ADI1: variants seen among roughly 807,000 people sequenced by gnomAD.
The protein encoded by ADI1 is acireductone dioxygenase.
ADI1 carries 21 observed loss-of-function variants against 18.7 expected under a neutral mutation model. The ratio of observed to expected loss-of-function variants is 1.13; its 90% CI spans 0.80 to 1.62. ADI1 has a LOEUF of 1.62. Ranked by LOEUF, ADI1 falls within the 40% of genes most tolerant of loss-of-function variation. The probability of loss-of-function intolerance (pLI) is 0.00; values close to 1 mark genes in which losing one functional copy is unlikely to be tolerated. For missense variants in ADI1, 245 were observed against 254.9 expected, an observed-to-expected ratio of 0.96 and a Z score of 0.26; for synonymous variants, 90 against 100.1, an observed-to-expected ratio of 0.90 and a Z score of 0.60.
intron 3 of ADI1, among the ~76,000 whole-genome samples, chr2:3,499,394 T>C (rs888505857): frequency 6.6e-6 from 1 of 152,186 alleles, no homozygotes; most frequent in African/African-American, 2.4e-5. Context: ...CAACCCCATG[T>C]ACCCTCCACC....
chr2:3,504,525 G>A (rs1192969068), intron 2 of ADI1, among the ~76,000 whole-genome samples: 1 of 152,216 alleles, frequency 6.6e-6, no homozygotes, highest in East Asian at 1.9e-4. Flanking sequence ...CACTCAGTGA[G>A]AAATAAAGAC....
At chr2:3,513,533 C>A (rs1468514588) in intron 2 of ADI1, among the ~76,000 whole-genome samples, 1 of 152,132 alleles carries the variant, frequency 6.6e-6, no homozygotes, top group Non-Finnish European at 1.5e-5. Context: ...TCATTTAAAA[C>A]AGTGTGGCAC....
intron 1 of ADI1, among the ~76,000 whole-genome samples, chr2:3,514,577 C>T (rs909393834): frequency 3.3e-5 from 5 of 152,154 alleles, no homozygotes; most frequent in Admixed American, 3.3e-4. Flanking sequence ...TTTCACATCC[C>T]CACAACCTTG....
intron 1 of ADI1, among the ~76,000 whole-genome samples, chr2:3,518,702 C>T (rs1049814848): frequency 3.9e-5 from 6 of 152,174 alleles, no homozygotes; most frequent in Non-Finnish European, 5.9e-5. Flanking sequence ...GGTCCCTCCC[C>T]CAGGACACTT....
chr2:3,509,872 G>A lies in ADI1; in HGVS notation c.240+3985C>T, dbSNP rs183548270. Among the ~76,000 whole-genome samples, 155 of 151,728 alleles carry A rather than the reference G, an allele frequency of 1.0e-3. 2 individuals are homozygous for A. The highest frequency in any genetic ancestry group is 3.5e-3 in the African/African-American group (144 of 41,374). On this transcript the variant is annotated intron_variant, in intron 2 of 3. Transcript: ENST00000327435. ...AAAAAAAATTAGGCAGGCCGGGTGC[G>A]GTGGCTCATGCCTGTAATCCCAGCA...
At chr2:3,512,267 G>A (rs1667307757) in intron 2 of ADI1, among the ~76,000 whole-genome samples, 1 of 152,230 alleles carries the variant, frequency 6.6e-6, no homozygotes, top group Admixed American at 6.5e-5. Context: ...AAACCTCAAA[G>A]GCATTTCAGA....
intron 2 of ADI1, among the ~76,000 whole-genome samples, chr2:3,508,742 C>T (rs560688276): frequency 2.6e-5 from 4 of 152,002 alleles, no homozygotes; most frequent in Non-Finnish European, 5.9e-5. Flanking sequence ...CCTCTATGAA[C>T]AATAAAAATG....
intron 3 of ADI1, chr2:3,500,503 G>GCCTCACC: frequency 3.5e-6 from 1 of 288,130 alleles, no homozygotes; most frequent in East Asian, 6.3e-5. Context: ...GCTGGGGCAG[G>GCCTCACC]GCCAGGCTCG....
Position 3,497,874 on chromosome 2 carries a change from G to C in ADI1, c.*1089C>G, listed in dbSNP as rs1666902467. 6.6e-6 allele frequency: 1 copy of C among 152,110 alleles called. No individual in the cohort carries two copies. 9.4% of individuals were successfully genotyped at this position (152,110 alleles called of 1,614,324 possible). On this transcript the variant is annotated 3_prime_UTR_variant, in exon 4 of 4. Coordinates refer to ENST00000327435, the MANE Select transcript of ADI1 (RefSeq NM_018269.4). ...ATGTTTCGTTCTTAAAAATGAACAA[G>C]CTCTATTTATAATGCCCATTTAGAA...
intron 2 of ADI1, among the ~76,000 whole-genome samples, chr2:3,508,334 C>CAAAAAAAAAAAAAA (rs33977448): frequency 3.7e-4 from 10 of 26,924 alleles, no homozygotes; most frequent in South Asian, 2.2e-3. Flanking sequence ...GACTCTGTCT[C>CAAAAAAAAAAAAAA]AAAAAAAAAA....
At chr2:3,500,500 CAGG>C in intron 3 of ADI1, 1 of 282,440 alleles carries the variant, frequency 3.5e-6, no homozygotes, top group Non-Finnish European at 5.8e-6. Context: ...AGGGCTGGGG[CAGG>C]GCCAGGCTCG....
At chr2:3,512,235 G>A (rs1667307232) in intron 2 of ADI1, among the ~76,000 whole-genome samples, 1 of 152,210 alleles carries the variant, frequency 6.6e-6, no homozygotes, top group African/African-American at 2.4e-5. Flanking sequence ...GCCAAGGGCT[G>A]ACAGCCAAGA....
chr2:3,518,387 A>T (rs983975747), intron 1 of ADI1, among the ~76,000 whole-genome samples: 13 of 152,350 alleles, frequency 8.5e-5, no homozygotes, highest in African/African-American at 3.1e-4. Context: ...GTCACCCCTC[A>T]GCCTATCCCT....
intron 2 of ADI1, among the ~76,000 whole-genome samples, chr2:3,505,109 T>C (rs557768250): frequency 2.0e-5 from 3 of 152,348 alleles, no homozygotes; most frequent in African/African-American, 7.2e-5. Flanking sequence ...TGTATGTTTG[T>C]ATTGTCAGTT....
Position 3,498,552 on chromosome 2 carries a change from C to T in ADI1, c.*411G>A, listed in dbSNP as rs1666916146. On this transcript the variant is annotated 3_prime_UTR_variant, in exon 4 of 4. Transcript: ENST00000327435. ...AGCTCTTCCCCCTACCACTCCCCAC[C>T]CCAAGGCATCATTTTGGAGAAAAAA... 1.3e-5 allele frequency: 2 copies of T among 158,560 alleles called. No individual in the cohort carries two copies. The highest frequency in any genetic ancestry group is 1.3e-4 in the Admixed American group (2 of 15,700). The allele number at this position is 158,560 out of a possible 1,614,324, so 9.8% of individuals were successfully genotyped here.
intron 1 of ADI1, chr2:3,514,942 A>G (rs1208126315): frequency 1.3e-6 from 2 of 1,483,568 alleles, no homozygotes. Flanking sequence ...TTTATAATTT[A>G]TTATGCCTGT....
At chr2:3,518,328 G>A (rs561909474) in intron 1 of ADI1, among the ~76,000 whole-genome samples, 3 of 152,228 alleles carry the variant, frequency 2.0e-5, no homozygotes, top group Non-Finnish European at 4.4e-5. Flanking sequence ...GTGGTGTCCA[G>A]GTAACCCTGT....
At chr2:3,500,535 A>C (rs111903530) in intron 3 of ADI1, 30 of 188,406 alleles carry the variant, frequency 1.6e-4, no homozygotes, top group African/African-American at 9.1e-4. Context: ...CTGCCGCCGC[A>C]TGTACCTGCC....
chr2:3,504,561 A>G lies in ADI1; in HGVS notation c.241-3568T>C, dbSNP rs367697000. ...AATATGTGGACTCTAACCAGGAAGA[A>G]TCATTTGACATAGAGAAAAGGAACT... On this transcript the variant is annotated intron_variant, in intron 2 of 3. Coordinates refer to ENST00000327435, the MANE Select transcript of ADI1 (RefSeq NM_018269.4). Among the ~76,000 whole-genome samples, 11 of 152,380 alleles carry G rather than the reference A, an allele frequency of 7.2e-5. 1 individual carries two copies. In the East Asian group the frequency reaches 9.6e-4, roughly 13 times the overall value.
Sources: gnomAD v4.1 joint callset for allele counts (sites outside exome capture counted in the v4.1 genomes callset) on GRCh38, gnomAD v4.1.1 for gene constraint, MANE v1.5 for transcripts, NCBI Gene and HGNC (gene_info 2026-07-23, HGNC 2026-07-21) for gene names.